The following GALNT13 variants were observed in gnomAD, a reference collection of about 807,000 sequenced individuals.
GALNT13 encodes the protein polypeptide N-acetylgalactosaminyltransferase 13.
GALNT13 carries 28 observed loss-of-function variants against 64.2 expected under a neutral mutation model. The ratio of observed to expected loss-of-function variants is 0.44; its 90% CI spans 0.32 to 0.60. The LOEUF (loss-of-function observed/expected upper bound fraction) is 0.60, where lower values mean the gene tolerates loss of function less well. Among genes scored for constraint, GALNT13 ranks in the 20% least tolerant of loss-of-function variants. The pLI is 0.05. For synonymous variants in GALNT13, 214 were observed against 224.6 expected, an observed-to-expected ratio of 0.95 and a Z score of 0.42; for missense variants, 577 against 669.8, an observed-to-expected ratio of 0.86 and a Z score of 1.53.
intron 11 of GALNT13, among the ~76,000 whole-genome samples, chr2:154,420,161 GCGTA>G (rs923593690): frequency 4.6e-5 from 7 of 152,020 alleles, no homozygotes; most frequent in African/African-American, 1.7e-4. Flanking sequence ...AGACACAAAG[GCGTA>G]CCTCAACCAT....
At chr2:153,755,644 T>C in the GALNT13 span, among the ~76,000 whole-genome samples, 1 of 152,214 alleles carries the variant, frequency 6.6e-6, no homozygotes, top group Non-Finnish European at 1.5e-5. Flanking sequence ...TTTTGTATAT[T>C]AACCCCTTAT....
At chr2:153,442,948 A>G in the GALNT13 span, among the ~76,000 whole-genome samples, 3 of 152,198 alleles carry the variant, frequency 2.0e-5, no homozygotes, top group Non-Finnish European at 2.9e-5. Flanking sequence ...GCTTGCAGCA[A>G]GAATTTCAAG....
chr2:154,101,153 T>TTTGTTGTTG lies in GALNT13; in HGVS notation c.143-39167_143-39159dup, dbSNP rs143375745. Among the ~76,000 whole-genome samples, 64 of 151,198 alleles carry TTTGTTGTTG rather than the reference T, an allele frequency of 4.2e-4. 1 individual carries two copies. The highest frequency in any genetic ancestry group is 1.9e-3 in the South Asian group (9 of 4,798). ...TGCATCTGTGTTTATCAGGGATATT[T>TTTGTTGTTG]TTGTTGTTGTTGTTGTTGTTGTTGT... On this transcript the variant is annotated intron_variant, in intron 3 of 12. Coordinates refer to ENST00000392825, the MANE Select transcript of GALNT13 (RefSeq NM_052917.4).
intron 10 of GALNT13, among the ~76,000 whole-genome samples, chr2:154,399,177 A>G (rs1454086806): frequency 7.2e-5 from 11 of 152,116 alleles, no homozygotes; most frequent in Admixed American, 3.9e-4. Context: ...CAGCTATTCA[A>G]GTGGCTGAGG....
At chr2:153,535,153 G>A in the GALNT13 span, among the ~76,000 whole-genome samples, 4 of 152,062 alleles carry the variant, frequency 2.6e-5, no homozygotes, top group Admixed American at 6.6e-5. Context: ...GGGTGATATT[G>A]TGGGGATGTT....
the GALNT13 span, among the ~76,000 whole-genome samples, chr2:153,268,340 A>G: frequency 6.0e-3 from 907 of 152,292 alleles, 10 homozygotes; most frequent in African/African-American, 0.021. Context: ...TAAACCTTAA[A>G]ATTCCAAAAT....
the GALNT13 span, among the ~76,000 whole-genome samples, chr2:153,598,397 T>G: frequency 0.031 from 4,662 of 152,152 alleles, 120 homozygotes; most frequent in Non-Finnish European, 0.041. Context: ...TGGCTCTGTC[T>G]CTCCCTTCAT....
chr2:154,329,316 T>G (rs1011943105), intron 9 of GALNT13, among the ~76,000 whole-genome samples: 3 of 152,166 alleles, frequency 2.0e-5, no homozygotes, highest in African/African-American at 7.2e-5. Context: ...TTGGTCAGGC[T>G]GGTCTTGAAC....
chr2:154,144,895 A>G lies in GALNT13; in HGVS notation c.311+4390A>G, dbSNP rs188824230. On this transcript the variant is annotated intron_variant, in intron 4 of 12. Transcript: ENST00000392825. ...AAGTATTTAATATTTTAATACACGCAACACATTTGTATGTAATCCTAATTT... is the reference window on the plus strand; with the variant it reads ...AAGTATTTAATATTTTAATACACGCGACACATTTGTATGTAATCCTAATTT... 2.6e-3 allele frequency among the ~76,000 whole-genome samples: 393 copies of G among 151,776 alleles called. 1 individual carries two copies. The highest frequency in any genetic ancestry group is 9.0e-3 in the African/African-American group (372 of 41,514).
the GALNT13 span, among the ~76,000 whole-genome samples, chr2:153,259,651 C>T: frequency 2.6e-5 from 4 of 152,090 alleles, no homozygotes; most frequent in Admixed American, 6.5e-5. Flanking sequence ...CCCCTGCACA[C>T]GGTCTCTTCC....
At chr2:153,398,371 C>T in the GALNT13 span, among the ~76,000 whole-genome samples, 3 of 151,968 alleles carry the variant, frequency 2.0e-5, no homozygotes, top group Admixed American at 6.6e-5. Flanking sequence ...TGAATAATGC[C>T]GCAATAAACA....
chr2:153,871,842 G>A (rs1475965019), upstream of GALNT13: 1 of 151,176 alleles, frequency 6.6e-6, no homozygotes, highest in Non-Finnish European at 1.5e-5. Flanking sequence ...GGGGCTACGA[G>A]AGGAGGAGGG....
At chr2:154,264,899 A>G (rs1480577601) in intron 8 of GALNT13, among the ~76,000 whole-genome samples, 1 of 151,632 alleles carries the variant, frequency 6.6e-6, no homozygotes. Context: ...GAAATAATAA[A>G]GATAACAGCA....
intron 4 of GALNT13, 119 bp downstream of exon 4, chr2:154,140,624 C>A: frequency 1.6e-6 from 1 of 618,912 alleles, no homozygotes; most frequent in Non-Finnish European, 2.7e-6. Flanking sequence ...GAGTACCTAT[C>A]ACATAGCAGG....
At chr2:153,818,581 G>A in the GALNT13 span, among the ~76,000 whole-genome samples, 5 of 152,252 alleles carry the variant, frequency 3.3e-5, no homozygotes, top group East Asian at 1.9e-4. Context: ...TGCCCCTGCC[G>A]GAACACTGTG....
At chr2:153,223,822 T>C in the GALNT13 span, among the ~76,000 whole-genome samples, 35 of 151,830 alleles carry the variant, frequency 2.3e-4, no homozygotes, top group African/African-American at 8.2e-4. Flanking sequence ...CTACAAAAAT[T>C]GTCCAGGTGT....
chr2:154,053,088 A>C (rs1699725589), intron 3 of GALNT13, among the ~76,000 whole-genome samples: 1 of 152,146 alleles, frequency 6.6e-6, no homozygotes, highest in Non-Finnish European at 1.5e-5. Flanking sequence ...ATAAATCTTA[A>C]AAAACTTCCC....
chr2:153,761,339 G>C, the GALNT13 span: 1 of 151,770 alleles, frequency 6.6e-6, no homozygotes, highest in African/African-American at 2.4e-5. Flanking sequence ...TATTATAATT[G>C]AGTACTAAAA....
the GALNT13 span, among the ~76,000 whole-genome samples, chr2:153,614,893 C>T: frequency 2.0e-5 from 3 of 152,072 alleles, no homozygotes; most frequent in African/African-American, 7.2e-5. Context: ...AATCCAATTA[C>T]ACTCTTTATT....
Sources: allele counts gnomAD v4.1 joint callset (sites outside exome capture counted in the v4.1 genomes callset), GRCh38; gene constraint gnomAD v4.1.1; transcripts MANE v1.5; gene names NCBI Gene and HGNC (gene_info 2026-07-23, HGNC 2026-07-21).